The following FRZB variants were observed in gnomAD, a reference collection of about 807,000 sequenced individuals.
The protein encoded by FRZB is frizzled related protein.
FRZB carries 34 observed loss-of-function variants against 32.5 expected under a neutral mutation model. The observed-to-expected ratio is 1.05, with a 90% confidence interval of 0.80 to 1.39. The LOEUF (loss-of-function observed/expected upper bound fraction) is 1.39, where lower values mean the gene tolerates loss of function less well. FRZB is among the 40% of genes most tolerant of loss of function. The probability of loss-of-function intolerance (pLI) is 0.00; values close to 1 mark genes in which losing one functional copy is unlikely to be tolerated. For missense variants in FRZB, 423 were observed against 424.8 expected (o/e 1.00, Z 0.04); for synonymous variants, 170 against 159.2 (o/e 1.07, Z -0.51).
chr2:182,843,518 G>A (rs374241428), intron 2 of FRZB, among the ~76,000 whole-genome samples: 11 of 152,184 alleles, frequency 7.2e-5, no homozygotes, highest in African/African-American at 2.6e-4. Context: ...ATGCCCCTGA[G>A]AAAGCTTTAG....
intron 2 of FRZB, among the ~76,000 whole-genome samples, chr2:182,854,160 TG>T (rs2105760797): frequency 6.6e-6 from 1 of 152,272 alleles, no homozygotes; most frequent in East Asian, 1.9e-4. Context: ...GGTAGTGACT[TG>T]GAGGCTTCTG....
intron 1 of FRZB, among the ~76,000 whole-genome samples, chr2:182,859,260 T>C (rs1695804778): frequency 6.6e-6 from 1 of 152,058 alleles, no homozygotes; most frequent in Non-Finnish European, 1.5e-5. Flanking sequence ...AAATCCTTAG[T>C]TCCTAAACGA....
At chr2:182,865,989 A>G (rs1306724507) in intron 1 of FRZB, 86 bp downstream of exon 1, 2 of 1,045,572 alleles carry the variant, frequency 1.9e-6, no homozygotes, top group African/African-American at 1.6e-5. Flanking sequence ...AAGAGAAAAA[A>G]ATTAGAGAGT....
chr2:182,844,634 A>C (rs1292933078), intron 2 of FRZB, among the ~76,000 whole-genome samples: 1 of 152,204 alleles, frequency 6.6e-6, no homozygotes, highest in Admixed American at 6.5e-5. Context: ...ACTGTCACTG[A>C]ATTGAGTCTA....
chr2:182,854,036 C>T (rs558920677), intron 2 of FRZB, among the ~76,000 whole-genome samples: 148 of 152,184 alleles, frequency 9.7e-4, no homozygotes, highest in African/African-American at 3.5e-3. Flanking sequence ...AAGTCACATG[C>T]ATATACAAAA....
intron 2 of FRZB, among the ~76,000 whole-genome samples, chr2:182,853,825 T>C (rs1695736041): frequency 6.6e-6 from 1 of 152,106 alleles, no homozygotes; most frequent in African/African-American, 2.4e-5. Flanking sequence ...TAGAGGAAAG[T>C]GAAATGGAAT....
chr2:182,861,294 T>C (rs747843551), intron 1 of FRZB, among the ~76,000 whole-genome samples: 1 of 152,242 alleles, frequency 6.6e-6, no homozygotes, highest in Non-Finnish European at 1.5e-5. Context: ...TTTTTCTTAC[T>C]AGCTCTGCTA....
chr2:182,850,694 A>G (rs1249983517), intron 2 of FRZB, among the ~76,000 whole-genome samples: 2 of 152,232 alleles, frequency 1.3e-5, no homozygotes, highest in African/African-American at 4.8e-5. Context: ...ACATTGGAAT[A>G]CAGATATTCT....
intron 2 of FRZB, among the ~76,000 whole-genome samples, chr2:182,848,040 G>A (rs924040508): frequency 6.7e-6 from 1 of 148,196 alleles, no homozygotes; most frequent in African/African-American, 2.5e-5. Context: ...ATAGTAAGCA[G>A]TAGCTGATGG....
In FRZB at chr2:182,866,547, G is replaced by T; in HGVS notation, c.6C>A (p.Val2=). 1 of 1,455,582 alleles carries T rather than the reference G, an allele frequency of 6.9e-7. No homozygotes were observed. Among genetic ancestry groups the T allele is most frequent in the South Asian group, 1.4e-5 (1 of 71,916 alleles). The allele number at this position is 1,455,582 out of a possible 1,614,324, so 90.2% of individuals were successfully genotyped here. A position where few individuals can be genotyped will look rare whatever the true frequency, so the allele number is the denominator to read the frequency against. M[V]CGSPGGMLLL... ...GCAGCATCCCTCCCGGGCTGCCGCAGACCATGATCCCGGCAGGATGGGGCA... is the reference window on the plus strand; with the variant it reads ...GCAGCATCCCTCCCGGGCTGCCGCATACCATGATCCCGGCAGGATGGGGCA... Residue 2 remains valine, a synonymous_variant, in exon 1 of 6, where the codon GTC becomes GTA. Coordinates refer to ENST00000295113, the MANE Select transcript of FRZB (RefSeq NM_001463.4). The surrounding 1 kb of genome is among the most constrained non-coding windows in gnomAD (Gnocchi z 4.5).
chr2:182,866,172 G>C lies in FRZB; in HGVS notation c.381C>G (p.Arg127=). The part of the protein sequence containing the change: ...QGCEPILIKY[R]HSWPENLACE... ...AGGCCAGGTTCTCCGGCCACGAGTG[G>C]CGGTACTTGATGAGTATGGGCTCAC... is the stretch of plus-strand genomic sequence containing the variant. Residue 127 remains arginine (R), a synonymous_variant, in exon 1 of 6, where the codon CGC becomes CGG. Transcript: ENST00000295113. The surrounding 1 kb of genome is among the most constrained non-coding windows in gnomAD (Gnocchi z 4.5). The C allele has an allele frequency of 2.5e-6, 4 of 1,614,138 alleles. No homozygotes were observed. The South Asian group carries it at 4.4e-5, about 18-fold the overall frequency.
Position 182,835,063 on chromosome 2 carries a change from C to T in FRZB, c.862-98G>A, listed in dbSNP as rs938372703. The T allele has an allele frequency of 3.5e-6, 3 of 859,882 alleles. No individual in the cohort carries two copies. The Admixed American group carries it at 6.1e-5, about 18-fold the overall frequency. 53.3% of individuals were successfully genotyped at this position (859,882 alleles called of 1,614,324 possible). A position where few individuals can be genotyped will look rare whatever the true frequency, so the allele number is the denominator to read the frequency against. On this transcript the variant is annotated intron_variant, in intron 5 of 5. Coordinates refer to ENST00000295113, the MANE Select transcript of FRZB (RefSeq NM_001463.4). ...TGGGTCAGACTGCAAGTTCAGATCT[C>T]TGAAGCATTTTGCTACTTTTCCAAA... is the stretch of plus-strand genomic sequence containing the variant.
At chr2:182,858,681 TA>T in intron 2 of FRZB, 104 bp downstream of exon 2, 1 of 741,570 alleles carries the variant, frequency 1.3e-6, no homozygotes, top group Admixed American at 2.5e-5. Flanking sequence ...AGTTTACTTG[TA>T]AAATGTAGGG....
At position 182,858,776 on chromosome 2, in the gene FRZB, A is replaced by T. The variant is rs753126309; in HGVS notation, c.526+10T>A. 30 of 1,600,278 alleles carry T rather than the reference A, an allele frequency of 1.9e-5. No homozygotes were observed. Among genetic ancestry groups the T allele is most frequent in the Non-Finnish European group, 2.6e-5 (30 of 1,169,280 alleles). On this transcript the variant is annotated intron_variant, in intron 2 of 5. Coordinates refer to ENST00000295113, the MANE Select transcript of FRZB (RefSeq NM_001463.4). ...ACAAATGAAAACCAGGAAGATAATG[A>T]TATACTCACCACTGCTTGCCCCTCT...
At chr2:182,835,799 T>C (rs1247840820) in intron 5 of FRZB, among the ~76,000 whole-genome samples, 1 of 152,022 alleles carries the variant, frequency 6.6e-6, no homozygotes, top group African/African-American at 2.4e-5. Flanking sequence ...TCCCAGGTGA[T>C]ACCTATGTTG....
chr2:182,842,679 T>G (rs1362648383), intron 2 of FRZB, 136 bp from the exon 3 acceptor site: 2 of 626,030 alleles, frequency 3.2e-6, no homozygotes, highest in Non-Finnish European at 5.7e-6. Context: ...GTGTCTGAAT[T>G]TTTTCTCCTG....
At chr2:182,841,564 T>G (rs1219484134) in intron 3 of FRZB, among the ~76,000 whole-genome samples, 1 of 152,132 alleles carries the variant, frequency 6.6e-6, no homozygotes, top group African/African-American at 2.4e-5. Context: ...TACCTTTTAT[T>G]AATACCATAG....
intron 5 of FRZB, among the ~76,000 whole-genome samples, chr2:182,835,314 A>G (rs1172913754): frequency 6.6e-6 from 1 of 152,060 alleles, no homozygotes; most frequent in African/African-American, 2.4e-5. Context: ...TACTCAACAA[A>G]TGGAAGATTT....
chr2:182,866,356 A>T lies in FRZB; in HGVS notation c.197T>A (p.Ile66Asn). Residue 66 changes from isoleucine to asparagine, a missense_variant, in exon 1 of 6, where the codon ATC becomes AAC. Ile to Asn is a moderately radical substitution (Grantham distance 149). Coordinates refer to ENST00000295113, the MANE Select transcript of FRZB (RefSeq NM_001463.4). This position sits in a 1 kb window ranked among gnomAD's most constrained non-coding sequence, Gnocchi z 4.5. ...ACCTTCGAACTGCTCGATGGCCAGG[A>T]TGGCGTTGGCCTGAGTGCTGTGGTG... ...HLHHSTQANA[I>N]LAIEQFEGLL... The T allele has an allele frequency of 6.2e-7, 1 of 1,614,140 alleles. No individual in the cohort carries two copies. Among genetic ancestry groups the T allele is most frequent in the Non-Finnish European group, 8.5e-7 (1 of 1,179,956 alleles).
Sources: allele counts gnomAD v4.1 joint callset (sites outside exome capture counted in the v4.1 genomes callset), GRCh38; gene constraint gnomAD v4.1.1; non-coding constraint Gnocchi (gnomAD v3.1); transcripts MANE v1.5; gene names NCBI Gene and HGNC (gene_info 2026-07-23, HGNC 2026-07-21).